The following NRBP1 variants were observed in gnomAD, a reference collection of about 807,000 sequenced individuals.
The protein encoded by NRBP1 is nuclear receptor binding protein 1.
In NRBP1, 10 loss-of-function variants were observed where a neutral mutation model predicts 76.0. That is an observed-to-expected ratio of 0.13 (90% CI 0.08 to 0.22). The LOEUF is 0.22. NRBP1 is among the 10% of genes least tolerant of loss of function. The pLI is 1.00. For missense variants in NRBP1, 344 were observed against 646.0 expected, an observed-to-expected ratio of 0.53 and a Z score of 5.07; for synonymous variants, 235 against 240.2, an observed-to-expected ratio of 0.98 and a Z score of 0.20.
chr2:27,435,377 G>A, intron 7 of NRBP1, 150 bp downstream of exon 7: 2 of 640,980 alleles, frequency 3.1e-6, no homozygotes, highest in Non-Finnish European at 5.4e-6. Context: ...ATTAATAGGA[G>A]AGGCCAGTTA....
chr2:27,429,190 C>G (rs1258619628), intron 1 of NRBP1: 2 of 152,458 alleles, frequency 1.3e-5, no homozygotes, highest in Non-Finnish European at 2.9e-5. Flanking sequence ...GATGAGGTGG[C>G]CGCCGCTGGC....
intron 10 of NRBP1, among the ~76,000 whole-genome samples, 184 bp from the exon 11 acceptor site, chr2:27,439,582 T>G (rs570920691): frequency 2.0e-5 from 3 of 151,466 alleles, no homozygotes; most frequent in Non-Finnish European, 4.4e-5. Flanking sequence ...GGATGGTATC[T>G]TTCATATAAT....
intron 4 of NRBP1, 63 bp from the exon 5 acceptor site, chr2:27,434,408 T>C (rs1340935496): frequency 1.0e-5 from 12 of 1,165,026 alleles, no homozygotes; most frequent in Non-Finnish European, 1.5e-5. Flanking sequence ...ATTTAAAATA[T>C]GTTAACAAGG....
chr2:27,431,774 G>C (rs1275275123), intron 1 of NRBP1: 1 of 152,288 alleles, frequency 6.6e-6, no homozygotes, highest in Admixed American at 6.5e-5. Flanking sequence ...GGTGCTACAG[G>C]TCTAGCCTTA....
intron 16 of NRBP1, 95 bp downstream of exon 16, chr2:27,441,425 C>T: frequency 7.1e-7 from 1 of 1,406,830 alleles, no homozygotes; most frequent in South Asian, 1.2e-5. Context: ...GGCAGTAACA[C>T]ATTGACTCAC....
chr2:27,431,504 T>TG (rs1255947339), intron 1 of NRBP1, among the ~76,000 whole-genome samples: 1 of 152,138 alleles, frequency 6.6e-6, no homozygotes, highest in Non-Finnish European at 1.5e-5. Flanking sequence ...CCACAATAAA[T>TG]GCTTAATAAA....
chr2:27,431,620 C>G (rs952946822), intron 1 of NRBP1: 7 of 152,204 alleles, frequency 4.6e-5, no homozygotes, highest in African/African-American at 1.7e-4. Context: ...AAGTCACTAA[C>G]AACTGCCAGT....
At chr2:27,436,257 T>G (rs1432649899) in intron 7 of NRBP1, 2 of 209,004 alleles carry the variant, frequency 9.6e-6, no homozygotes, top group Non-Finnish European at 1.9e-5. Context: ...TCCTGAGCTG[T>G]ATGTTAATAC....
intron 10 of NRBP1, among the ~76,000 whole-genome samples, chr2:27,437,596 G>T: frequency 6.6e-6 from 1 of 152,228 alleles, no homozygotes; most frequent in Non-Finnish European, 1.5e-5. Flanking sequence ...TGGAAGCCGG[G>T]CATGGTGGCT....
intron 1 of NRBP1, among the ~76,000 whole-genome samples, chr2:27,432,552 A>G (rs564230980): frequency 6.6e-6 from 1 of 150,830 alleles, no homozygotes; most frequent in Non-Finnish European, 1.5e-5. Context: ...GAATTTGCAG[A>G]TAAGTATTAG....
At chr2:27,437,692 AAACCCTG>A (rs1458085397) in intron 10 of NRBP1, among the ~76,000 whole-genome samples, 1 of 151,682 alleles carries the variant, frequency 6.6e-6, no homozygotes, top group Non-Finnish European at 1.5e-5. Flanking sequence ...TAACATGGTG[AAACCCTG>A]TCTCTACTAA....
chr2:27,437,880 A>G (rs1216721278), intron 10 of NRBP1, among the ~76,000 whole-genome samples: 1 of 149,866 alleles, frequency 6.7e-6, no homozygotes, highest in Non-Finnish European at 1.5e-5. Context: ...CTCAGAAAAA[A>G]AGAAAAAAAA....
At chr2:27,428,434 T>G (rs1380418496), upstream of NRBP1, 1 of 385,004 alleles carries the variant, frequency 2.6e-6, no homozygotes, top group African/African-American at 2.1e-5. Flanking sequence ...GAGCCCCAGC[T>G]GGGACCGAAA....
intron 3 of NRBP1, 75 bp downstream of exon 3, chr2:27,433,870 C>T: frequency 6.2e-7 from 1 of 1,609,954 alleles, no homozygotes. Flanking sequence ...TGTTGGGAAG[C>T]TGCCCGTGAG....
At chr2:27,433,882 A>C in intron 3 of NRBP1, 87 bp downstream of exon 3, 1 of 1,607,258 alleles carries the variant, frequency 6.2e-7, no homozygotes, top group Non-Finnish European at 8.5e-7. Context: ...GCCCGTGAGG[A>C]GAGTATGTTG....
chr2:27,436,934 T>C, intron 8 of NRBP1, 98 bp downstream of exon 8: 1 of 1,445,084 alleles, frequency 6.9e-7, no homozygotes, highest in Admixed American at 1.8e-5. Flanking sequence ...TTCTAGGCCT[T>C]CTCTACCAGC....
intron 7 of NRBP1, chr2:27,435,948 C>A (rs1344912307): frequency 1.6e-6 from 1 of 612,670 alleles, no homozygotes; most frequent in Admixed American, 2.7e-5. Context: ...TTCTGCCTGG[C>A]TGGCCACTTA....
At chr2:27,435,996 T>C (rs1308815076) in intron 7 of NRBP1, 1 of 587,704 alleles carries the variant, frequency 1.7e-6, no homozygotes, top group African/African-American at 1.9e-5. Flanking sequence ...ATCAGGCTAG[T>C]TCCCAGATCA....
chr2:27,437,215 T>C, intron 9 of NRBP1, 47 bp from the exon 10 acceptor site: 1 of 1,582,934 alleles, frequency 6.3e-7, no homozygotes, highest in Non-Finnish European at 8.7e-7. Flanking sequence ...GTGGGAGCAC[T>C]GAAGTTCTTA....
Sources: allele counts gnomAD v4.1 joint callset (sites outside exome capture counted in the v4.1 genomes callset), GRCh38; gene constraint gnomAD v4.1.1; transcripts MANE v1.5; gene names NCBI Gene and HGNC (gene_info 2026-07-23, HGNC 2026-07-21).